The following PLEKHA7 variants were observed in gnomAD, a reference collection of about 807,000 sequenced individuals.
The protein encoded by PLEKHA7 is pleckstrin homology domain-containing family A member 7.
Under a neutral mutation model 170.0 loss-of-function variants are expected in PLEKHA7, and 104 were observed. That is an observed-to-expected ratio of 0.61 (90% CI 0.52 to 0.72). The LOEUF is 0.72. PLEKHA7 is among the 30% of genes least tolerant of loss of function. The pLI, the probability that PLEKHA7 is intolerant of heterozygous loss-of-function variation, is 0.00. For synonymous variants in PLEKHA7, 648 were observed against 660.8 expected (o/e 0.98, Z 0.30); for missense variants, 1,615 against 1,671.7 (o/e 0.97, Z 0.59).
At chr11:16,999,065 C>T (rs539299658) in intron 3 of PLEKHA7, among the ~76,000 whole-genome samples, 1 of 152,144 alleles carries the variant, frequency 6.6e-6, no homozygotes, top group Non-Finnish European at 1.5e-5. Flanking sequence ...TGAGCACTGT[C>T]TCTGTGCCTG....
chr11:16,874,552 G>C (rs187065142), intron 3 of PLEKHA7, among the ~76,000 whole-genome samples: 2 of 152,114 alleles, frequency 1.3e-5, no homozygotes, highest in African/African-American at 4.8e-5. Flanking sequence ...ATGACTCCAG[G>C]TCTTCTATTT....
intron 3 of PLEKHA7, among the ~76,000 whole-genome samples, chr11:16,913,974 T>C (rs1590599069): frequency 6.6e-6 from 1 of 152,230 alleles, no homozygotes; most frequent in East Asian, 1.9e-4. Context: ...TTTATGTATT[T>C]TAGGAGAAAA....
chr11:16,860,745 C>T (rs1226157290), intron 4 of PLEKHA7, among the ~76,000 whole-genome samples: 2 of 152,134 alleles, frequency 1.3e-5, no homozygotes, highest in Non-Finnish European at 2.9e-5. Context: ...GAGAAGCAGG[C>T]TTTTGCTCTT....
rs1279451342 is a variant in PLEKHA7, at chr11:16,778,786, G to A, written c.*212C>T. 7 of 597,486 alleles carry A rather than the reference G, an allele frequency of 1.2e-5. No individual in the cohort carries two copies. In the Admixed American group the frequency reaches 1.5e-4, roughly 12 times the overall value. The allele number at this position is 597,486 out of a possible 1,614,324, so 37.0% of individuals were successfully genotyped here. On this transcript the variant is annotated 3_prime_UTR_variant, in exon 27 of 27. Coordinates refer to ENST00000531066, the MANE Select transcript of PLEKHA7 (RefSeq NM_001329630.2). ...TACAGTGTATATCAAAAGTGCCTTT[G>A]CCATTCATATGTAGAGAGGAGTCTG...
chr11:16,883,565 C>T (rs1387707178), intron 3 of PLEKHA7, among the ~76,000 whole-genome samples: 1 of 152,170 alleles, frequency 6.6e-6, no homozygotes. Context: ...AACTGCCCAC[C>T]AGTCCCCAAG....
At chr11:16,795,105 C>T in intron 17 of PLEKHA7, 87 bp from the exon 18 acceptor site, 1 of 989,880 alleles carries the variant, frequency 1.0e-6, no homozygotes, top group South Asian at 1.3e-5. Flanking sequence ...GACAGAGCCC[C>T]CCGCCCTGAG....
rs144414308 is a variant in PLEKHA7 at position 16,855,873 on chromosome 11, G to A, written c.347C>T (p.Pro116Leu). Reference protein sequence around the residue: ...HMSKQDRNQRPSSMVSETSTA... With the variant: ...HMSKQDRNQRLSSMVSETSTA... ...GGATGTTTCACTGACCATGCTGGAC[G>A]GTCTTTGGTTTCTGTCTTGCTTCGA... Residue 116 changes from proline to leucine, a missense_variant, in exon 5 of 27, where the codon CCG (proline) becomes CTG (leucine). By Grantham distance (98) the Pro-to-Leu change is moderately conservative (BLOSUM62 -3). Coordinates refer to ENST00000531066, the MANE Select transcript of PLEKHA7 (RefSeq NM_001329630.2). The A allele has an allele frequency of 3.0e-5, 48 of 1,614,170 alleles. No homozygotes were observed. The highest frequency in any genetic ancestry group is 1.6e-4 in the Middle Eastern group (1 of 6,062).
chr11:16,789,843 A>G lies in PLEKHA7; in HGVS notation c.3088T>C (p.Ser1030Pro), dbSNP rs1847710780. ...SGSTSRLQQSSTIAPYVTLRR... is the reference protein window; with the variant it reads ...SGSTSRLQQSPTIAPYVTLRR... ...AGTGTGACGTAGGGAGCAATGGTGG[A>G]CGACTGCTGGAGCCTTGACGTGGAC... Residue 1030 changes from serine (S) to proline (P), a missense_variant, in exon 22 of 27, where the codon TCC becomes CCC. Transcript: ENST00000531066. This position sits in a 1 kb window ranked among gnomAD's most constrained non-coding sequence, Gnocchi z 4.6. The G allele has an allele frequency of 1.2e-6, 2 of 1,614,094 alleles. No homozygotes were observed. The highest frequency in any genetic ancestry group is 1.7e-5 in the Admixed American group (1 of 60,014).
intron 3 of PLEKHA7, among the ~76,000 whole-genome samples, chr11:16,919,551 T>C (rs1756098031): frequency 6.6e-6 from 1 of 151,942 alleles, no homozygotes; most frequent in Non-Finnish European, 1.5e-5. Flanking sequence ...AGCTCACACC[T>C]GTAGTCCTAT....
chr11:16,954,081 T>C (rs980499482), intron 3 of PLEKHA7, among the ~76,000 whole-genome samples: 3 of 152,166 alleles, frequency 2.0e-5, no homozygotes, highest in Non-Finnish European at 4.4e-5. Context: ...AATGCAAAGA[T>C]AGAGGACACT....
intron 3 of PLEKHA7, among the ~76,000 whole-genome samples, chr11:16,977,802 A>G (rs2136802096): frequency 6.6e-6 from 1 of 152,238 alleles, no homozygotes; most frequent in African/African-American, 2.4e-5. Flanking sequence ...TCGCTTTGTC[A>G]GTTCCTAGCT....
chr11:16,902,994 A>G (rs1174608572), intron 3 of PLEKHA7, among the ~76,000 whole-genome samples: 1 of 152,232 alleles, frequency 6.6e-6, no homozygotes, highest in Non-Finnish European at 1.5e-5. Flanking sequence ...GCAAAGGGCA[A>G]GGGGAGCTCA....
In PLEKHA7 at chr11:16,954,747, A is replaced by G. The variant is rs1053829585; in HGVS notation, c.221+59242T>C. Among the ~76,000 whole-genome samples the G allele has an allele frequency of 4.0e-5, 6 of 151,224 alleles. No individual in the cohort carries two copies. In the East Asian group the frequency reaches 5.9e-4, roughly 15 times the overall value. On this transcript the variant is annotated intron_variant, in intron 3 of 26. Transcript: ENST00000531066. ...GCTCTGTCACCCAGGCTGGAGTGCAATGGCGCAATCTCGGCTCACTGCAAC... is the reference window on the plus strand; with the variant it reads ...GCTCTGTCACCCAGGCTGGAGTGCAGTGGCGCAATCTCGGCTCACTGCAAC...
In PLEKHA7 at chr11:16,790,863, T is replaced by C. The variant is rs1847794553; in HGVS notation, c.2987A>G (p.Asp996Gly). 1 of 1,611,076 alleles carries C rather than the reference T, an allele frequency of 6.2e-7. No homozygotes were observed. The highest frequency in any genetic ancestry group is 8.5e-7 in the Non-Finnish European group (1 of 1,178,852). Residue 996 changes from aspartate to glycine, a missense_variant, in exon 21 of 27, where the codon GAC (aspartate) becomes GGC (glycine). Transcript: ENST00000531066. ...AAGTCCTAGGGAGGGCTGGGCCATG[T>C]CCCCGCTGAGGGTCGCCAGCTCAGG... is the stretch of plus-strand genomic sequence containing the variant. Reference protein sequence around the residue: ...SEPELATLSGDMAQPSLGLVG... With the variant: ...SEPELATLSGGMAQPSLGLVG...
Position 16,794,505 on chromosome 11 carries a change from T to C in PLEKHA7, c.2728A>G (p.Lys910Glu), listed in dbSNP as rs1372873387. ...KVTSPLQSPT[K>E]AKPKVEDEAP... ...CTACTTACAACTTTGGGCTTCGCCT[T>C]AGTTGGTGACTGAAGGGGGGATGTC... The change falls in exon 19 of 27, where the codon AAG becomes GAG. Residue 910 changes from lysine to glutamate, a missense_variant. Transcript: ENST00000531066. 5.0e-6 allele frequency: 8 copies of C among 1,613,756 alleles called. No individual in the cohort carries two copies. Among genetic ancestry groups the C allele is most frequent in the Non-Finnish European group, 6.8e-6 (8 of 1,179,992 alleles).
At chr11:16,990,656 AAAG>A (rs1863992745) in intron 3 of PLEKHA7, among the ~76,000 whole-genome samples, 1 of 152,252 alleles carries the variant, frequency 6.6e-6, no homozygotes, top group Admixed American at 6.5e-5. Context: ...GGGGATTTTA[AAAG>A]TTCCCTGGAA....
intron 10 of PLEKHA7, among the ~76,000 whole-genome samples, chr11:16,825,393 G>C (rs1850557047): frequency 1.3e-5 from 2 of 152,228 alleles, no homozygotes; most frequent in Admixed American, 1.3e-4. Flanking sequence ...CATTGGCTTT[G>C]CTATCTCCTC....
chr11:16,795,106 C>T, intron 17 of PLEKHA7, 88 bp from the exon 18 acceptor site: 8 of 955,220 alleles, frequency 8.4e-6, no homozygotes, highest in Non-Finnish European at 1.4e-5. Context: ...ACAGAGCCCC[C>T]CGCCCTGAGG....
chr11:16,872,356 T>G (rs1244637814), intron 3 of PLEKHA7, among the ~76,000 whole-genome samples: 5 of 152,196 alleles, frequency 3.3e-5, no homozygotes, highest in Non-Finnish European at 5.9e-5. Context: ...CTTCCAAGTT[T>G]TAAATTTTCT....
Sources: gnomAD v4.1 joint callset for allele counts (sites outside exome capture counted in the v4.1 genomes callset) on GRCh38, gnomAD v4.1.1 for gene constraint, Gnocchi (gnomAD v3.1) non-coding constraint, MANE v1.5 for transcripts, NCBI Gene and HGNC (gene_info 2026-07-23, HGNC 2026-07-21) for gene names.